The following ZCWPW2 variants were observed in gnomAD, a reference collection of about 807,000 sequenced individuals.
The protein encoded by ZCWPW2 is zinc finger CW-type and PWWP domain containing 2.
A neutral mutation model predicts 46.6 loss-of-function variants in ZCWPW2; 45 were observed. That is an observed-to-expected ratio of 0.96 (90% CI 0.76 to 1.24). The LOEUF is 1.24. ZCWPW2 is among the 50% of genes most tolerant of loss of function. The probability of loss-of-function intolerance (pLI) is 0.00; values close to 1 mark genes in which losing one functional copy is unlikely to be tolerated. For synonymous variants in ZCWPW2, 152 were observed against 137.1 expected, an observed-to-expected ratio of 1.11 and a Z score of -0.76; for missense variants, 429 against 403.9, an observed-to-expected ratio of 1.06 and a Z score of -0.53.
At chr3:28,371,778 A>T (rs1456855434) in intron 1 of ZCWPW2, among the ~76,000 whole-genome samples, 1 of 152,128 alleles carries the variant, frequency 6.6e-6, no homozygotes, top group Non-Finnish European at 1.5e-5. Flanking sequence ...GAGGCCAAAG[A>T]CAGGACAGGG....
chr3:28,467,207 A>G (rs983956620), intron 4 of ZCWPW2, among the ~76,000 whole-genome samples: 4 of 152,154 alleles, frequency 2.6e-5, no homozygotes, highest in East Asian at 3.8e-4. Context: ...TAACCTGCGG[A>G]AAAAAATGTC....
At chr3:28,421,229 C>A (rs988531063) in intron 3 of ZCWPW2, among the ~76,000 whole-genome samples, 1 of 152,088 alleles carries the variant, frequency 6.6e-6, no homozygotes, top group Non-Finnish European at 1.5e-5. Context: ...ACTCACAACT[C>A]TAGGTAGTAG....
chr3:28,421,120 G>A (rs1021252484), intron 3 of ZCWPW2, among the ~76,000 whole-genome samples: 1 of 152,092 alleles, frequency 6.6e-6, no homozygotes, highest in African/African-American at 2.4e-5. Context: ...CTCCCACATG[G>A]GAGTAAGAGT....
chr3:28,475,190 C>G (rs955403865), intron 4 of ZCWPW2, among the ~76,000 whole-genome samples: 10 of 152,000 alleles, frequency 6.6e-5, no homozygotes, highest in Non-Finnish European at 1.2e-4. Flanking sequence ...ACAGACTCTT[C>G]ATCTCAGTAG....
At chr3:28,411,286 T>G (rs1182139690) in intron 2 of ZCWPW2, among the ~76,000 whole-genome samples, 3 of 151,946 alleles carry the variant, frequency 2.0e-5, no homozygotes, top group African/African-American at 7.2e-5. Flanking sequence ...TATATTTATC[T>G]CAGTATATGC....
intron 1 of ZCWPW2, among the ~76,000 whole-genome samples, chr3:28,360,889 C>T (rs1438423452): frequency 6.6e-6 from 1 of 151,954 alleles, no homozygotes; most frequent in African/African-American, 2.4e-5. Context: ...ATGGTACTGG[C>T]ATAAAGATAG....
At chr3:28,424,411 T>C (rs1447018489) in intron 3 of ZCWPW2, among the ~76,000 whole-genome samples, 5 of 152,106 alleles carry the variant, frequency 3.3e-5, no homozygotes, top group African/African-American at 1.2e-4. Flanking sequence ...ATATGATTCT[T>C]AAAGAGGTAA....
chr3:28,349,206 A>G lies in ZCWPW2; in HGVS notation c.-134+3A>G, dbSNP rs922898925. 2.0e-6 allele frequency: 2 copies of G among 985,484 alleles called. No homozygotes were observed. Among genetic ancestry groups the G allele is most frequent in the Non-Finnish European group, 2.4e-6 (2 of 830,002 alleles). 61.0% of individuals were successfully genotyped at this position (985,484 alleles called of 1,614,324 possible). On this transcript the variant is annotated splice_donor_region_variant and intron_variant, in intron 1 of 9. Transcript: ENST00000383768. The stretch of plus-strand genomic sequence containing the variant: ...AGGCGGAGGCGGAGTGGAGTTAGGT[A>G]AGAGCGTTACCAGCCGTCTTGTCTG...
At chr3:28,403,729 G>C (rs1696040545) in intron 2 of ZCWPW2, among the ~76,000 whole-genome samples, 1 of 152,014 alleles carries the variant, frequency 6.6e-6, no homozygotes, top group Non-Finnish European at 1.5e-5. Context: ...AGAGAACTCA[G>C]AAATAAACCC....
chr3:28,459,392 A>G (rs1201189639), intron 4 of ZCWPW2, among the ~76,000 whole-genome samples: 1 of 152,050 alleles, frequency 6.6e-6, no homozygotes, highest in Non-Finnish European at 1.5e-5. Context: ...AAAACAAAAA[A>G]CAAAAAACGT....
intron 2 of ZCWPW2, among the ~76,000 whole-genome samples, chr3:28,392,857 AT>A (rs994938482): frequency 6.6e-6 from 1 of 152,074 alleles, no homozygotes; most frequent in African/African-American, 2.4e-5. Flanking sequence ...ATGAAGAAAA[AT>A]GAAAGAGTTT....
At chr3:28,432,342 A>G (rs1697294259) in intron 3 of ZCWPW2, among the ~76,000 whole-genome samples, 1 of 152,166 alleles carries the variant, frequency 6.6e-6, no homozygotes, top group African/African-American at 2.4e-5. Flanking sequence ...GGGGTACAGG[A>G]TTTGGGATTA....
chr3:28,400,270 G>A (rs544645891), intron 2 of ZCWPW2, among the ~76,000 whole-genome samples: 2 of 152,050 alleles, frequency 1.3e-5, no homozygotes, highest in South Asian at 4.2e-4. Flanking sequence ...TATGAACAAA[G>A]CCCAAAGAAG....
At chr3:28,361,466 A>T (rs916683080) in intron 1 of ZCWPW2, among the ~76,000 whole-genome samples, 1 of 152,092 alleles carries the variant, frequency 6.6e-6, no homozygotes, top group Admixed American at 6.6e-5. Flanking sequence ...GCTTCATAAC[A>T]TTGGTCTTGG....
At chr3:28,374,432 T>C (rs1705438281) in intron 1 of ZCWPW2, among the ~76,000 whole-genome samples, 2 of 152,174 alleles carry the variant, frequency 1.3e-5, no homozygotes, top group South Asian at 4.1e-4. Context: ...GCCAATTTAG[T>C]TGTTTTTGCT....
In ZCWPW2 at chr3:28,453,730, T is replaced by A. The variant is rs181165537; in HGVS notation, c.492+18461T>A. Among the ~76,000 whole-genome samples, 25 of 152,008 alleles carry A rather than the reference T, an allele frequency of 1.6e-4. 1 individual carries two copies. The East Asian group carries it at 4.6e-3, about 28-fold the overall frequency. On this transcript the variant is annotated intron_variant, in intron 4 of 9. Coordinates refer to ENST00000383768, the MANE Select transcript of ZCWPW2 (RefSeq NM_001040432.4). ...AGCTGGAGAGTAACTTCTTGTTACA[T>A]TCTTCCATCAAGAATGGTGAAGTCT...
intron 4 of ZCWPW2, among the ~76,000 whole-genome samples, chr3:28,473,797 C>A (rs1195710956): frequency 6.6e-6 from 1 of 152,126 alleles, no homozygotes; most frequent in Non-Finnish European, 1.5e-5. Flanking sequence ...TGCATTTTCT[C>A]ACTTATTTGT....
chr3:28,466,938 AT>A (rs1048717858), intron 4 of ZCWPW2, among the ~76,000 whole-genome samples: 93 of 152,352 alleles, frequency 6.1e-4, no homozygotes, highest in African/African-American at 2.1e-3. Flanking sequence ...AAAAAAAACA[AT>A]TGAGACTTTT....
At chr3:28,489,670 A>G (rs9833864) in intron 5 of ZCWPW2, among the ~76,000 whole-genome samples, 7,484 of 23,602 alleles carry the variant, frequency 0.32, 566 homozygotes, top group African/African-American at 0.47. Flanking sequence ...ACACGCGCGC[A>G]CACACACACA....
Sources: gnomAD v4.1 joint callset for allele counts (sites outside exome capture counted in the v4.1 genomes callset) on GRCh38, gnomAD v4.1.1 for gene constraint, MANE v1.5 for transcripts, NCBI Gene and HGNC (gene_info 2026-07-23, HGNC 2026-07-21) for gene names.